The following SLIT3 variants were observed in gnomAD, a reference collection of about 807,000 sequenced individuals.
SLIT3 encodes slit guidance ligand 3, also known as slit homolog 3 protein.
Under a neutral mutation model 184.0 loss-of-function variants are expected in SLIT3, and 68 were observed. The observed-to-expected ratio is 0.37, with a 90% CI of 0.30 to 0.45. The LOEUF (loss-of-function observed/expected upper bound fraction) is 0.45. Ranked by LOEUF, SLIT3 falls within the 20% of genes least tolerant of loss-of-function variation. The pLI is 1.00. For missense variants in SLIT3, 1,707 were observed against 2,026.0 expected, an observed-to-expected ratio of 0.84 and a Z score of 3.02; for synonymous variants, 831 against 828.6, an observed-to-expected ratio of 1.00 and a Z score of -0.05.
At chr5:168,778,788 G>T (rs961217313) in intron 12 of SLIT3, among the ~76,000 whole-genome samples, 1 of 152,244 alleles carries the variant, frequency 6.6e-6, no homozygotes, top group Non-Finnish European at 1.5e-5. Context: ...GAGGCTGCCT[G>T]GCGCTCAAAC....
chr5:169,226,832 G>A (rs554249312), intron 3 of SLIT3, among the ~76,000 whole-genome samples: 6 of 152,216 alleles, frequency 3.9e-5, no homozygotes, highest in African/African-American at 1.4e-4. Flanking sequence ...TGCTAGAATC[G>A]TGGCCTAGAT....
chr5:169,136,170 G>A (rs543064525), intron 4 of SLIT3, among the ~76,000 whole-genome samples: 3 of 152,246 alleles, frequency 2.0e-5, no homozygotes, highest in East Asian at 3.9e-4. Context: ...GGGGACAATC[G>A]CCTCTCCAGA....
rs181943314 is a variant in SLIT3 at position 168,908,314 on chromosome 5, C to T, written c.414-24978G>A. ...GTGGTAGACGAGTCACCTGGGTCGT[C>T]CTGACCTTCTCATACCCTTGCCCTC... On this transcript the variant is annotated intron_variant, in intron 4 of 35. Coordinates refer to ENST00000519560, the MANE Select transcript of SLIT3 (RefSeq NM_003062.4). Among the ~76,000 whole-genome samples the T allele has an allele frequency of 1.1e-3, 175 of 152,186 alleles. 1 individual carries two copies. Among genetic ancestry groups the T allele is most frequent in the Admixed American group, 2.1e-3 (32 of 15,286 alleles).
At chr5:168,989,480 T>A (rs1318403347) in intron 4 of SLIT3, among the ~76,000 whole-genome samples, 2 of 152,134 alleles carry the variant, frequency 1.3e-5, no homozygotes, top group Non-Finnish European at 2.9e-5. Flanking sequence ...CTCTTTGGGG[T>A]AAGGAGGAGA....
chr5:169,069,604 CTA>C lies in SLIT3; in HGVS notation c.413+123873_413+123874del, dbSNP rs1446178416. ...GGGAGCACTGGACACTTAGCACACT[CTA>C]TGTGCGGTAAGGTTATCACAAGGTT... On this transcript the variant is annotated intron_variant, in intron 4 of 35. Coordinates refer to ENST00000519560, the MANE Select transcript of SLIT3 (RefSeq NM_003062.4). 3.3e-5 allele frequency among the ~76,000 whole-genome samples: 5 copies of C among 152,150 alleles called. No individual in the cohort carries two copies. The East Asian group carries it at 9.6e-4, about 29-fold the overall frequency.
chr5:169,178,752 C>T (rs1298259721), intron 4 of SLIT3, among the ~76,000 whole-genome samples: 1 of 152,100 alleles, frequency 6.6e-6, no homozygotes, highest in Non-Finnish European at 1.5e-5. Context: ...TAATCCTTCC[C>T]CCACCCAATT....
chr5:169,145,193 C>T (rs1761885731), intron 4 of SLIT3, among the ~76,000 whole-genome samples: 1 of 152,136 alleles, frequency 6.6e-6, no homozygotes, highest in South Asian at 2.1e-4. Context: ...TTAGACCTGA[C>T]CAGAATTGCC....
chr5:168,955,585 C>G (rs895275364), intron 4 of SLIT3, among the ~76,000 whole-genome samples: 1 of 152,210 alleles, frequency 6.6e-6, no homozygotes, highest in African/African-American at 2.4e-5. Flanking sequence ...GGACACACTC[C>G]AGTACCCACC....
At chr5:169,058,566 C>A (rs1396835008) in intron 4 of SLIT3, among the ~76,000 whole-genome samples, 1 of 152,142 alleles carries the variant, frequency 6.6e-6, no homozygotes, top group Non-Finnish European at 1.5e-5. Context: ...TGAATGAAAT[C>A]CTGCACTTTA....
At chr5:169,039,490 G>A (rs964985891) in intron 4 of SLIT3, among the ~76,000 whole-genome samples, 1 of 151,792 alleles carries the variant, frequency 6.6e-6, no homozygotes, top group Non-Finnish European at 1.5e-5. Flanking sequence ...CTAATTTTTT[G>A]TATTTTTTAG....
intron 4 of SLIT3, among the ~76,000 whole-genome samples, chr5:169,008,348 C>A (rs1361489571): frequency 1.3e-5 from 2 of 152,124 alleles, no homozygotes; most frequent in Non-Finnish European, 2.9e-5. Flanking sequence ...GAGGAGGCTC[C>A]AAGACAAGGG....
intron 4 of SLIT3, chr5:169,026,601 C>G (rs1756834623): frequency 6.6e-6 from 1 of 152,098 alleles, no homozygotes; most frequent in South Asian, 2.1e-4. Context: ...AAAAAATCAG[C>G]CTACAAAACA....
In SLIT3 at chr5:169,247,090, C is replaced by T. The variant is rs114816638; in HGVS notation, c.270-2314G>A. Among the ~76,000 whole-genome samples the T allele has an allele frequency of 1.8e-3, 270 of 151,798 alleles. 3 individuals carry two copies. The highest frequency in any genetic ancestry group is 6.8e-3 in the Middle Eastern group (2 of 294). The stretch of plus-strand genomic sequence containing the variant: ...CTAAAAATACAAAATTAAGCATGTG[C>T]CTGTAATCCCAGCTACTTAGGAGGC... On this transcript the variant is annotated intron_variant, in intron 2 of 35. Coordinates refer to ENST00000519560, the MANE Select transcript of SLIT3 (RefSeq NM_003062.4).
chr5:169,122,504 C>T (rs994612922), intron 4 of SLIT3, among the ~76,000 whole-genome samples: 17 of 152,158 alleles, frequency 1.1e-4, no homozygotes, highest in African/African-American at 3.9e-4. Context: ...GGTTCCATCA[C>T]TTTTTGTTTA....
At chr5:169,069,625 C>T (rs376555337) in intron 4 of SLIT3, among the ~76,000 whole-genome samples, 4 of 152,046 alleles carry the variant, frequency 2.6e-5, no homozygotes, top group East Asian at 1.9e-4. Context: ...AAGGTTATCA[C>T]AAGGTTATGA....
At chr5:169,270,423 G>GA (rs1766561515) in intron 1 of SLIT3, among the ~76,000 whole-genome samples, 1 of 152,058 alleles carries the variant, frequency 6.6e-6, no homozygotes, top group East Asian at 1.9e-4. Context: ...TAAATGGTTG[G>GA]AAAAAATCAA....
intron 14 of SLIT3, among the ~76,000 whole-genome samples, chr5:168,767,287 A>C (rs1266259803): frequency 6.6e-6 from 1 of 152,214 alleles, no homozygotes; most frequent in Non-Finnish European, 1.5e-5. Flanking sequence ...GAGCTAGGCT[A>C]AAGTTCCCAC....
At chr5:168,688,407 G>A (rs1325952176) in intron 29 of SLIT3, among the ~76,000 whole-genome samples, 1 of 152,134 alleles carries the variant, frequency 6.6e-6, no homozygotes, top group South Asian at 2.1e-4. Flanking sequence ...GCAAAGGGAT[G>A]GTTCTCCCTC....
chr5:168,756,498 G>C (rs1754951976), intron 16 of SLIT3, among the ~76,000 whole-genome samples: 2 of 152,180 alleles, frequency 1.3e-5, no homozygotes, highest in South Asian at 4.1e-4. Flanking sequence ...CATCCTGCCA[G>C]GAAAACAGGA....
Sources: allele counts gnomAD v4.1 joint callset (sites outside exome capture counted in the v4.1 genomes callset), GRCh38; gene constraint gnomAD v4.1.1; transcripts MANE v1.5; gene names NCBI Gene and HGNC (gene_info 2026-07-23, HGNC 2026-07-21).